XPO7: variants seen among roughly 807,000 people sequenced by gnomAD.
XPO7 encodes the protein exportin-7.
In XPO7, 21 loss-of-function variants were observed where a neutral mutation model predicts 144.3. That is an observed-to-expected ratio of 0.15 (90% CI 0.10 to 0.21). The LOEUF (loss-of-function observed/expected upper bound fraction) is 0.21, where lower values mean the gene tolerates loss of function less well. Ranked by LOEUF, XPO7 falls within the 10% of genes least tolerant of loss-of-function variation. The pLI, the probability that XPO7 is intolerant of heterozygous loss-of-function variation, is 1.00. For missense variants in XPO7, 808 were observed against 1,325.8 expected (o/e 0.61, Z 6.06); for synonymous variants, 580 against 499.6 (o/e 1.16, Z -2.15).
At chr8:21,987,657 G>A (rs1320209926) in intron 14 of XPO7, 127 bp from the exon 15 acceptor site, 2 of 1,041,736 alleles carry the variant, frequency 1.9e-6, no homozygotes, top group East Asian at 2.6e-5. Context: ...TATCCCTTCA[G>A]TAAAGTCCTC....
intron 9 of XPO7, among the ~76,000 whole-genome samples, chr8:21,980,872 G>A (rs961263011): frequency 6.6e-6 from 1 of 151,932 alleles, no homozygotes; most frequent in African/African-American, 2.4e-5. Flanking sequence ...GCTTTTAGGT[G>A]GGAAGGAAGA....
rs1479134014 is a variant in XPO7 at position 21,983,138 on chromosome 8, A to G, written c.1277+326A>G. Reference sequence around the variant, plus strand: ...GAAACATTTATAAGATATAGATGATAAGAATTATGTGTAACTTATAGGTGC... The same window carrying G: ...GAAACATTTATAAGATATAGATGATGAGAATTATGTGTAACTTATAGGTGC... On this transcript the variant is annotated intron_variant, in intron 11 of 27. Transcript: ENST00000252512. 2.6e-5 allele frequency among the ~76,000 whole-genome samples: 4 copies of G among 152,366 alleles called. No individual in the cohort carries two copies. The East Asian group carries it at 7.7e-4, about 29-fold the overall frequency.
At chr8:21,928,663 A>G (rs1331166016) in intron 1 of XPO7, among the ~76,000 whole-genome samples, 1 of 152,186 alleles carries the variant, frequency 6.6e-6, no homozygotes, top group African/African-American at 2.4e-5. Context: ...TGACATTTGT[A>G]TATCTCAGGC....
chr8:21,990,966 C>T, intron 18 of XPO7, 47 bp downstream of exon 18: 2 of 1,554,028 alleles, frequency 1.3e-6, no homozygotes, highest in Non-Finnish European at 1.8e-6. Flanking sequence ...TGGCACTCTT[C>T]TAAATTTTTA....
chr8:21,954,866 A>G (rs1007840382), intron 1 of XPO7, among the ~76,000 whole-genome samples: 5 of 152,174 alleles, frequency 3.3e-5, no homozygotes, highest in Non-Finnish European at 5.9e-5. Flanking sequence ...TGTTTGCTGT[A>G]TGGTAAACAT....
intron 1 of XPO7, among the ~76,000 whole-genome samples, chr8:21,965,603 A>G (rs375176472): frequency 5.1e-4 from 77 of 152,322 alleles, no homozygotes; most frequent in African/African-American, 1.8e-3. Flanking sequence ...GGCTGTCTGA[A>G]GTAGGACTGA....
intron 21 of XPO7, among the ~76,000 whole-genome samples, chr8:21,998,457 A>G (rs2117399705): frequency 6.6e-6 from 1 of 152,262 alleles, no homozygotes; most frequent in South Asian, 2.1e-4. Context: ...AAGAAAGTAT[A>G]CTTTAATCAA....
chr8:21,984,543 A>G (rs1237814057), intron 11 of XPO7, 103 bp from the exon 12 acceptor site: 19 of 1,080,202 alleles, frequency 1.8e-5, no homozygotes, highest in Admixed American at 2.8e-5. Flanking sequence ...AGACCTCTAC[A>G]GTCAGAAATG....
chr8:21,934,900 G>A (rs980542361), intron 1 of XPO7, among the ~76,000 whole-genome samples: 1 of 152,190 alleles, frequency 6.6e-6, no homozygotes, highest in African/African-American at 2.4e-5. Context: ...AGGGACTCAC[G>A]CAAGGTGGAT....
At chr8:21,982,570 G>A (rs1350330679) in intron 10 of XPO7, 70 bp from the exon 11 acceptor site, 10 of 1,475,816 alleles carry the variant, frequency 6.8e-6, no homozygotes, top group South Asian at 4.3e-5. Flanking sequence ...TTTATCTTCT[G>A]TGTCAGTGGC....
At chr8:21,993,915 G>GTCTC (rs146886015) in intron 19 of XPO7, among the ~76,000 whole-genome samples, 4,551 of 141,052 alleles carry the variant, frequency 0.032, 247 homozygotes, top group African/African-American at 0.11. Flanking sequence ...TCTTTGCCGT[G>GTCTC]TCTCTCTCTC....
At position 21,976,433 on chromosome 8, in the gene XPO7, C is replaced by T; in HGVS notation, c.675C>T (p.Asn225=). 6.2e-7 allele frequency: 1 copy of T among 1,614,014 alleles called. No individual in the cohort carries two copies. The highest frequency in any genetic ancestry group is 8.5e-7 in the Non-Finnish European group (1 of 1,179,898). ...LLMQLLKLTH[N]CLNFDFIGTS... is the part of the protein sequence containing the mutation. Reference sequence around the variant, plus strand: ...TGCAACTGCTCAAGCTCACTCATAACTGCCTCAACTTTGACTTCATCGGCA... The same window carrying T: ...TGCAACTGCTCAAGCTCACTCATAATTGCCTCAACTTTGACTTCATCGGCA... Residue 225 remains asparagine (N), a synonymous_variant, in exon 7 of 28, where the codon AAC becomes AAT. Coordinates refer to ENST00000252512, the MANE Select transcript of XPO7 (RefSeq NM_015024.5).
At chr8:21,941,560 A>C (rs1370335115) in intron 1 of XPO7, among the ~76,000 whole-genome samples, 1 of 152,236 alleles carries the variant, frequency 6.6e-6, no homozygotes, top group Non-Finnish European at 1.5e-5. Context: ...CAAGAAAAAC[A>C]GTGTATACAT....
chr8:21,953,452 G>A (rs1811436743), intron 1 of XPO7, among the ~76,000 whole-genome samples: 1 of 152,114 alleles, frequency 6.6e-6, no homozygotes, highest in Non-Finnish European at 1.5e-5. Context: ...GCCAAGTTTT[G>A]GTAATTATGA....
At chr8:21,925,628 C>T (rs1810434776) in intron 1 of XPO7, among the ~76,000 whole-genome samples, 1 of 152,030 alleles carries the variant, frequency 6.6e-6, no homozygotes, top group South Asian at 2.1e-4. Context: ...CTGTTATATG[C>T]CAGGCACCAT....
At chr8:21,937,741 G>A (rs1402116147) in intron 1 of XPO7, among the ~76,000 whole-genome samples, 1 of 152,126 alleles carries the variant, frequency 6.6e-6, no homozygotes, top group African/African-American at 2.4e-5. Flanking sequence ...ATCAGTACCC[G>A]ATTCTTGGTA....
At chr8:21,992,451 T>C (rs727694) in intron 19 of XPO7, among the ~76,000 whole-genome samples, 54,945 of 152,108 alleles carry the variant, frequency 0.36, 10,460 homozygotes, top group East Asian at 0.44. Context: ...AACATTTTCA[T>C]TATTCAGTTT....
At chr8:21,967,612 C>T (rs188954960) in intron 2 of XPO7, among the ~76,000 whole-genome samples, 4 of 152,216 alleles carry the variant, frequency 2.6e-5, no homozygotes, top group Admixed American at 2.6e-4. Flanking sequence ...GGATTACAGA[C>T]GTGAGCCACC....
intron 1 of XPO7, among the ~76,000 whole-genome samples, chr8:21,944,090 T>C (rs1017443295): frequency 6.6e-6 from 1 of 152,150 alleles, no homozygotes. Flanking sequence ...GTTGAATCAT[T>C]GAGTAACTAG....
Sources: gnomAD v4.1 joint callset for allele counts (sites outside exome capture counted in the v4.1 genomes callset) on GRCh38, gnomAD v4.1.1 for gene constraint, MANE v1.5 for transcripts, NCBI Gene and HGNC (gene_info 2026-07-23, HGNC 2026-07-21) for gene names.